PLCG1: variants seen among roughly 807,000 people sequenced by gnomAD.
PLCG1 encodes the protein phospholipase C gamma 1, also known as 1-phosphatidylinositol 4,5-bisphosphate phosphodiesterase gamma-1.
Under a neutral mutation model 177.8 loss-of-function variants are expected in PLCG1, and 71 were observed. That is an observed-to-expected ratio of 0.40 (90% CI 0.33 to 0.49). PLCG1 has a LOEUF of 0.49. PLCG1 is among the 20% of genes least tolerant of loss of function. The pLI, the probability that PLCG1 is intolerant of heterozygous loss-of-function variation, is 0.72. For synonymous variants in PLCG1, 658 were observed against 647.9 expected (o/e 1.02, Z -0.24); for missense variants, 1,281 against 1,709.0 (o/e 0.75, Z 4.42).
rs367859184 is a variant in PLCG1, at chr20:41,173,791, C to A, written c.3534C>A (p.Phe1178Leu). 3.1e-6 allele frequency: 5 copies of A among 1,613,976 alleles called. No homozygotes were observed. The highest frequency in any genetic ancestry group is 1.1e-5 in the South Asian group (1 of 91,066). The change falls in exon 29 of 32, where the codon TTC becomes TTA. Residue 1178 changes from phenylalanine to leucine, a missense_variant. By Grantham distance (22) the Phe-to-Leu change is conservative. Transcript: ENST00000685551. The surrounding 1 kb of genome is among the most constrained non-coding windows in gnomAD (Gnocchi z 6.2). The part of the protein sequence containing the change: ...SDQNFLAQAT[F>L]PVKGLKTGYR... The stretch of plus-strand genomic sequence containing the variant: ...AGAATTTCCTGGCTCAGGCTACTTT[C>A]CCAGTAAAAGGCCTGAAGACAGGTG...
intron 4 of PLCG1, among the ~76,000 whole-genome samples, chr20:41,161,989 C>A (rs562506299): frequency 5.7e-4 from 87 of 152,164 alleles, no homozygotes; most frequent in Middle Eastern, 6.8e-3. Flanking sequence ...GGACCAAACT[C>A]CCAGCATCCC....
rs1157790409 is a variant in PLCG1, at chr20:41,165,556, G to A, written c.1611+5G>A. 9.3e-6 allele frequency: 15 copies of A among 1,613,092 alleles called. No homozygotes were observed. In the African/African-American group the frequency reaches 2.0e-4, roughly 22 times the overall value. On this transcript the variant is annotated splice_donor_5th_base_variant and intron_variant, in intron 15 of 31. Coordinates refer to ENST00000685551, the MANE Select transcript of PLCG1 (RefSeq NM_002660.3). This position sits in a 1 kb window ranked among gnomAD's most constrained non-coding sequence, Gnocchi z 6.6. ...GATGAGGAGGAGCCCAAGGAGGTGA[G>A]GAACCAGCTCAGGTCTGGGGGCTGG...
rs2035586689 is a variant in PLCG1, at chr20:41,163,609, A to AC, written c.892-101dup. The AC allele has an allele frequency of 9.4e-7, 1 of 1,068,806 alleles. No individual in the cohort carries two copies. Among genetic ancestry groups the AC allele is most frequent in the African/African-American group, 1.5e-5 (1 of 64,568 alleles). 66.2% of individuals were successfully genotyped at this position (1,068,806 alleles called of 1,614,324 possible). ...TTTCTACCTACTGTGCACCTTGCCC[A>AC]CCCCCAGTTGGGACAGAGCACTCTC... is the stretch of plus-strand genomic sequence containing the variant. On this transcript the variant is annotated intron_variant, in intron 9 of 31. Coordinates refer to ENST00000685551, the MANE Select transcript of PLCG1 (RefSeq NM_002660.3). The surrounding 1 kb of genome is among the most constrained non-coding windows in gnomAD (Gnocchi z 5.2).
In PLCG1 at chr20:41,167,481, G is replaced by A. The variant is rs2035739538; in HGVS notation, c.2302-371G>A. On this transcript the variant is annotated intron_variant, in intron 19 of 31. Coordinates refer to ENST00000685551, the MANE Select transcript of PLCG1 (RefSeq NM_002660.3). This position sits in a 1 kb window ranked among gnomAD's most constrained non-coding sequence, Gnocchi z 4.4. Reference sequence around the variant, plus strand: ...AGCGGCAGGAGGAATGTGGGGAGTGGGAAGGCTTTTCCTGACTTTGGGCTC... The same window carrying A: ...AGCGGCAGGAGGAATGTGGGGAGTGAGAAGGCTTTTCCTGACTTTGGGCTC... Among the ~76,000 whole-genome samples the A allele has an allele frequency of 6.6e-6, 1 of 152,140 alleles. No homozygotes were observed. Among genetic ancestry groups the A allele is most frequent in the Non-Finnish European group, 1.5e-5 (1 of 68,024 alleles).
chr20:41,138,131 C>T (rs2034668227), intron 1 of PLCG1: 1 of 297,274 alleles, frequency 3.4e-6, no homozygotes, highest in Non-Finnish European at 6.2e-6. Context: ...TCCTCGCGGG[C>T]TGGAGACCTG....
Position 41,163,084 on chromosome 20 carries a change from T to G in PLCG1, c.716+92T>G. The G allele has an allele frequency of 1.3e-6, 2 of 1,510,812 alleles. No individual in the cohort carries two copies. Among genetic ancestry groups the G allele is most frequent in the South Asian group, 1.1e-5 (1 of 88,782 alleles). The allele number at this position is 1,510,812 out of a possible 1,614,324, so 93.6% of individuals were successfully genotyped here. ...TGATCCAGGTGGGAGGCAGTGGGAG[T>G]AGGGAACCATGCTGGACCATTCTGG... On this transcript the variant is annotated intron_variant, in intron 7 of 31. Coordinates refer to ENST00000685551, the MANE Select transcript of PLCG1 (RefSeq NM_002660.3). The surrounding 1 kb of genome is among the most constrained non-coding windows in gnomAD (Gnocchi z 5.2).
At position 41,172,177 on chromosome 20, in the gene PLCG1, T is replaced by TTG; in HGVS notation, c.2809-8_2809-7dup. 6.2e-7 allele frequency: 1 copy of TTG among 1,600,916 alleles called. No individual in the cohort carries two copies. The highest frequency in any genetic ancestry group is 8.6e-7 in the Non-Finnish European group (1 of 1,167,946). On this transcript the variant is annotated splice_polypyrimidine_tract_variant and intron_variant, in intron 24 of 31. Transcript: ENST00000685551. This position sits in a 1 kb window ranked among gnomAD's most constrained non-coding sequence, Gnocchi z 7.0. ...GGCTGTAGCCTGGGGCTACAGGGCC[T>TTG]TGTGTGTGTCACCAGCTCACTGAAG...
In PLCG1 at chr20:41,172,880, G is replaced by C. The variant is rs534054947; in HGVS notation, c.3279+3G>C. 6.2e-7 allele frequency: 1 copy of C among 1,613,650 alleles called. No individual in the cohort carries two copies. The highest frequency in any genetic ancestry group is 1.7e-5 in the Admixed American group (1 of 59,972). On this transcript the variant is annotated splice_donor_region_variant and intron_variant, in intron 27 of 31. Coordinates refer to ENST00000685551, the MANE Select transcript of PLCG1 (RefSeq NM_002660.3). This position sits in a 1 kb window ranked among gnomAD's most constrained non-coding sequence, Gnocchi z 7.0. ...AGCCATGTGCCATCTCTATTGAGGT[G>C]GGTGCTGCTCATCTGGGCTTCAGGG... is the stretch of plus-strand genomic sequence containing the variant.
At position 41,164,250 on chromosome 20, in the gene PLCG1, T is replaced by C. The variant is rs951416364; in HGVS notation, c.1217+49T>C. The C allele has an allele frequency of 5.6e-6, 9 of 1,604,280 alleles. No homozygotes were observed. Among genetic ancestry groups the C allele is most frequent in the Non-Finnish European group, 7.7e-6 (9 of 1,172,676 alleles). On this transcript the variant is annotated intron_variant, in intron 12 of 31. Transcript: ENST00000685551. The surrounding 1 kb of genome is among the most constrained non-coding windows in gnomAD (Gnocchi z 6.4). The stretch of plus-strand genomic sequence containing the variant: ...AGGGGTTAACTTGGCTCCAGGTCTC[T>C]CGTTCTAGAGGGACAGAGGGCAGAA...
Position 41,165,949 on chromosome 20 carries a change from A to T in PLCG1, c.1799+123A>T, listed in dbSNP as rs2035673308. On this transcript the variant is annotated intron_variant, in intron 16 of 31. Transcript: ENST00000685551. This position sits in a 1 kb window ranked among gnomAD's most constrained non-coding sequence, Gnocchi z 6.6. ...AGGACAATAATTAGGCTTTACATGG[A>T]ACATAATTTCACCTACATACACACA... 1.2e-6 allele frequency: 1 copy of T among 858,472 alleles called. No homozygotes were observed. Among genetic ancestry groups the T allele is most frequent in the African/African-American group, 1.7e-5 (1 of 58,968 alleles). 53.2% of individuals were successfully genotyped at this position (858,472 alleles called of 1,614,324 possible).
chr20:41,159,851 A>G lies in PLCG1; in HGVS notation c.371-19A>G, dbSNP rs374565182. 1.2e-4 allele frequency: 187 copies of G among 1,613,568 alleles called. No individual in the cohort carries two copies. The highest frequency in any genetic ancestry group is 3.1e-4 in the East Asian group (14 of 44,884). On this transcript the variant is annotated intron_variant, in intron 2 of 31. Transcript: ENST00000685551. This position sits in a 1 kb window ranked among gnomAD's most constrained non-coding sequence, Gnocchi z 6.0. Reference sequence around the variant, plus strand: ...GGAGGTATGTGCCCTCGGGGCAGCTATTGATACCTTGCTCACAGCCACATC... The same window carrying G: ...GGAGGTATGTGCCCTCGGGGCAGCTGTTGATACCTTGCTCACAGCCACATC...
chr20:41,139,155 A>G (rs1426406956), intron 1 of PLCG1, among the ~76,000 whole-genome samples: 1 of 152,160 alleles, frequency 6.6e-6, no homozygotes, highest in Non-Finnish European at 1.5e-5. Flanking sequence ...CTCAGCTACA[A>G]ACTCCAGATC....
In PLCG1 at chr20:41,169,254, G is replaced by A; in HGVS notation, c.2580+79G>A. 4 of 1,100,084 alleles carry A rather than the reference G, an allele frequency of 3.6e-6. No homozygotes were observed. In the Admixed American group the frequency reaches 5.5e-5, roughly 15 times the overall value. 68.1% of individuals were successfully genotyped at this position (1,100,084 alleles called of 1,614,324 possible). A position where few individuals can be genotyped will look rare whatever the true frequency, so the allele number is the denominator to read the frequency against. On this transcript the variant is annotated intron_variant, in intron 22 of 31. Coordinates refer to ENST00000685551, the MANE Select transcript of PLCG1 (RefSeq NM_002660.3). ...GCATGCCCCCATCACACAGTCCCAA[G>A]CACGCACGTGCATGCACAGACACCT...
intron 1 of PLCG1, among the ~76,000 whole-genome samples, chr20:41,141,136 G>A (rs1047406511): frequency 6.6e-6 from 1 of 152,186 alleles, no homozygotes; most frequent in Non-Finnish European, 1.5e-5. Context: ...TGTTTAATGA[G>A]GTTGTCCATT....
chr20:41,170,612 A>G (rs1389104451), intron 24 of PLCG1: 4 of 225,682 alleles, frequency 1.8e-5, no homozygotes, highest in African/African-American at 9.1e-5. Context: ...GTGGTGTCGC[A>G]TAGGAAGAGA....
rs2036049131 is a variant in PLCG1 at position 41,175,771 on chromosome 20, A to T, written c.*1262A>T. ...GGCTCAGGAAAGCCTGTTGCATGGGACATGCTCACTAGAAACAGTCGCCAG... is the reference window on the plus strand; with the variant it reads ...GGCTCAGGAAAGCCTGTTGCATGGGTCATGCTCACTAGAAACAGTCGCCAG... On this transcript the variant is annotated 3_prime_UTR_variant, in exon 32 of 32. Coordinates refer to ENST00000685551, the MANE Select transcript of PLCG1 (RefSeq NM_002660.3). 1 of 152,642 alleles carries T rather than the reference A, an allele frequency of 6.6e-6. No homozygotes were observed. Among genetic ancestry groups the T allele is most frequent in the East Asian group, 1.9e-4 (1 of 5,196 alleles). 9.5% of individuals were successfully genotyped at this position (152,642 alleles called of 1,614,324 possible).
Position 41,172,346 on chromosome 20 carries a change from A to G in PLCG1, c.2905+57A>G. The G allele has an allele frequency of 6.3e-7, 1 of 1,580,604 alleles. No homozygotes were observed. The highest frequency in any genetic ancestry group is 8.7e-7 in the Non-Finnish European group (1 of 1,149,492). On this transcript the variant is annotated intron_variant, in intron 25 of 31. Transcript: ENST00000685551. This position sits in a 1 kb window ranked among gnomAD's most constrained non-coding sequence, Gnocchi z 7.0. ...GTGCCTGGAGGGCCTGGTGGGTGCAAAAAGAGTATTTAGGTATCCCCCCAA... is the reference window on the plus strand; with the variant it reads ...GTGCCTGGAGGGCCTGGTGGGTGCAGAAAGAGTATTTAGGTATCCCCCCAA...
At position 41,173,901 on chromosome 20, in the gene PLCG1, G is replaced by A. The variant is rs780220261; in HGVS notation, c.3557-22G>A. 1.1e-5 allele frequency: 17 copies of A among 1,613,028 alleles called. 1 individual carries two copies. The South Asian group carries it at 1.9e-4, about 18-fold the overall frequency. ...TTGCTCTGTCCCTCGTGGGCTGAGG[G>A]CCAGGCTTTTCCTCCTCCTAGGATA... is the stretch of plus-strand genomic sequence containing the variant. On this transcript the variant is annotated intron_variant, in intron 29 of 31. Transcript: ENST00000685551. This position sits in a 1 kb window ranked among gnomAD's most constrained non-coding sequence, Gnocchi z 6.2.
Position 41,166,509 on chromosome 20 carries a change from T to C in PLCG1, c.2034T>C (p.Ala678=). The stretch of plus-strand genomic sequence containing the variant: ...ACGCGAGCCTGACCAGAGCACAGGC[T>C]GAGCACATGCTAATGCGCGTCCCTC... ...WYHASLTRAQ[A]EHMLMRVPRD... The change falls in exon 18 of 32, where the codon GCT becomes GCC. Residue 678 remains alanine, a synonymous_variant. Transcript: ENST00000685551. This position sits in a 1 kb window ranked among gnomAD's most constrained non-coding sequence, Gnocchi z 8.6. 6 of 1,614,126 alleles carry C rather than the reference T, an allele frequency of 3.7e-6. No homozygotes were observed. Among genetic ancestry groups the C allele is most frequent in the Non-Finnish European group, 5.1e-6 (6 of 1,180,028 alleles).
Sources: allele counts gnomAD v4.1 joint callset (sites outside exome capture counted in the v4.1 genomes callset), GRCh38; gene constraint gnomAD v4.1.1; non-coding constraint Gnocchi (gnomAD v3.1); transcripts MANE v1.5; gene names NCBI Gene and HGNC (gene_info 2026-07-23, HGNC 2026-07-21).